Variants in TAFA1 observed in about 807,000 individuals in gnomAD.
TAFA1 encodes TAFA chemokine like family member 1.
In TAFA1, 4 loss-of-function variants were observed where a neutral mutation model predicts 18.5. The ratio of observed to expected loss-of-function variants is 0.22; its 90% CI spans 0.11 to 0.49. The LOEUF is 0.49. Among genes scored for constraint, TAFA1 ranks in the 20% least tolerant of loss-of-function variants. The pLI, the probability that TAFA1 is intolerant of heterozygous loss-of-function variation, is 0.98. For missense variants in TAFA1, 147 were observed against 169.0 expected (o/e 0.87, Z 0.72); for synonymous variants, 56 against 55.2 (o/e 1.01, Z -0.06).
intron 3 of TAFA1, among the ~76,000 whole-genome samples, chr3:68,429,824 G>A (rs1044621871): frequency 5.3e-5 from 8 of 151,768 alleles, no homozygotes; most frequent in East Asian, 1.9e-4. Context: ...TCCTGAAGCC[G>A]CTATGCCTAA....
chr3:68,171,273 G>A (rs1256872383), intron 2 of TAFA1, among the ~76,000 whole-genome samples: 2 of 152,114 alleles, frequency 1.3e-5, no homozygotes, highest in African/African-American at 4.8e-5. Context: ...AATGGGCTGA[G>A]TGAAGGAAGG....
chr3:68,236,936 A>G (rs1222600737), intron 2 of TAFA1, among the ~76,000 whole-genome samples: 9 of 152,234 alleles, frequency 5.9e-5, no homozygotes, highest in Admixed American at 6.5e-5. Context: ...TGGGGCTTCA[A>G]CAAAGATCTC....
chr3:68,055,366 A>G (rs6782017), intron 2 of TAFA1, among the ~76,000 whole-genome samples: 52,221 of 151,874 alleles, frequency 0.34, 9,734 homozygotes, highest in East Asian at 0.48. Context: ...ATGCCTCCAT[A>G]TCAATAAACT....
chr3:68,222,623 C>T (rs1354074696), intron 2 of TAFA1, among the ~76,000 whole-genome samples: 1 of 152,062 alleles, frequency 6.6e-6, no homozygotes, highest in Admixed American at 6.6e-5. Flanking sequence ...GATCATCAAC[C>T]ATACTTCTTA....
At chr3:67,991,748 C>T in the TAFA1 span, among the ~76,000 whole-genome samples, 1 of 152,284 alleles carries the variant, frequency 6.6e-6, no homozygotes, top group Admixed American at 6.5e-5. Context: ...TACTGGCATC[C>T]CAGGATCTCC....
intron 2 of TAFA1, among the ~76,000 whole-genome samples, chr3:68,208,720 G>A (rs1356162653): frequency 6.6e-6 from 1 of 151,958 alleles, no homozygotes. Flanking sequence ...GACCAAGCCA[G>A]GCCTTCAGGT....
chr3:68,118,674 G>C (rs2065351853), intron 2 of TAFA1, among the ~76,000 whole-genome samples: 1 of 152,106 alleles, frequency 6.6e-6, no homozygotes, highest in Non-Finnish European at 1.5e-5. Flanking sequence ...ATGTACTCAA[G>C]ATTCATCCAT....
chr3:68,075,996 T>C (rs1258974898), intron 2 of TAFA1, among the ~76,000 whole-genome samples: 1 of 152,210 alleles, frequency 6.6e-6, no homozygotes, highest in Non-Finnish European at 1.5e-5. Context: ...TGTGCCTGGC[T>C]GATCCACTAT....
chr3:68,197,239 A>T (rs991227438), intron 2 of TAFA1, among the ~76,000 whole-genome samples: 4 of 151,788 alleles, frequency 2.6e-5, no homozygotes, highest in Non-Finnish European at 4.4e-5. Flanking sequence ...TTTATTTAGA[A>T]TGATTTGCCC....
intron 2 of TAFA1, among the ~76,000 whole-genome samples, chr3:68,012,455 C>T (rs1241075263): frequency 1.3e-5 from 2 of 152,076 alleles, no homozygotes; most frequent in African/African-American, 4.8e-5. Flanking sequence ...AGGAAAAATG[C>T]CCATGTTACA....
At chr3:68,231,650 G>A (rs1384762324) in intron 2 of TAFA1, among the ~76,000 whole-genome samples, 3 of 152,108 alleles carry the variant, frequency 2.0e-5, no homozygotes, top group Non-Finnish European at 4.4e-5. Context: ...GTGAGCCACC[G>A]CGCCCGGCCA....
At chr3:68,412,747 G>A (rs1477903737) in intron 2 of TAFA1, among the ~76,000 whole-genome samples, 1 of 152,136 alleles carries the variant, frequency 6.6e-6, no homozygotes, top group East Asian at 1.9e-4. Context: ...TGGTGTATAT[G>A]TGCCACATTT....
intron 2 of TAFA1, among the ~76,000 whole-genome samples, chr3:68,322,807 G>C (rs1038224383): frequency 1.3e-5 from 2 of 152,112 alleles, no homozygotes; most frequent in Admixed American, 6.5e-5. Flanking sequence ...GCTGGGCATG[G>C]TGGTGCATGC....
intron 2 of TAFA1, among the ~76,000 whole-genome samples, chr3:68,356,759 G>C (rs1005794366): frequency 6.6e-6 from 1 of 151,846 alleles, no homozygotes; most frequent in South Asian, 2.1e-4. Flanking sequence ...GATATATATG[G>C]AATATTACAT....
chr3:68,333,675 T>C (rs2068920856), intron 2 of TAFA1, among the ~76,000 whole-genome samples: 1 of 152,204 alleles, frequency 6.6e-6, no homozygotes, highest in South Asian at 2.1e-4. Context: ...CCATTTGTGG[T>C]TGTATAACCA....
intron 2 of TAFA1, among the ~76,000 whole-genome samples, chr3:68,066,070 G>A (rs1051380975): frequency 1.3e-5 from 2 of 152,114 alleles, no homozygotes; most frequent in East Asian, 3.9e-4. Context: ...AGTTACTTGG[G>A]AGGGGGTTGG....
chr3:68,324,745 C>A (rs1229778180), intron 2 of TAFA1, among the ~76,000 whole-genome samples: 3 of 152,052 alleles, frequency 2.0e-5, no homozygotes, highest in African/African-American at 7.2e-5. Flanking sequence ...TACTTTTGCA[C>A]CAACTTGTAG....
intron 2 of TAFA1, among the ~76,000 whole-genome samples, chr3:68,286,245 A>AT (rs1330407565): frequency 1.3e-5 from 2 of 150,476 alleles, no homozygotes; most frequent in Non-Finnish European, 3.0e-5. Context: ...AATTTAAAAA[A>AT]ATTTTTTAAA....
chr3:68,366,085 C>CAAAAAAAA (rs35861602), intron 2 of TAFA1, among the ~76,000 whole-genome samples: 5 of 93,820 alleles, frequency 5.3e-5, no homozygotes, highest in South Asian at 4.0e-4. Context: ...GACTCCATCT[C>CAAAAAAAA]AAAAAAAAAA....
Sources: allele counts gnomAD v4.1 joint callset (sites outside exome capture counted in the v4.1 genomes callset), GRCh38; gene constraint gnomAD v4.1.1; transcripts MANE v1.5; gene names NCBI Gene and HGNC (gene_info 2026-07-23, HGNC 2026-07-21).